Variants in DEAF1 observed in about 807,000 individuals in gnomAD.
The protein encoded by DEAF1 is deformed epidermal autoregulatory factor 1 homolog.
Under a neutral mutation model 58.9 loss-of-function variants are expected in DEAF1, and 53 were observed. That is an observed-to-expected ratio of 0.90 (90% confidence interval 0.72 to 1.13). The LOEUF is 1.13. DEAF1 is among the 50% of genes most tolerant of loss of function. The pLI is 0.00. For synonymous variants in DEAF1, 385 were observed against 340.4 expected, an observed-to-expected ratio of 1.13 and a Z score of -1.44; for missense variants, 685 against 791.4, an observed-to-expected ratio of 0.87 and a Z score of 1.61.
upstream of DEAF1, among the ~76,000 whole-genome samples, chr11:698,165 G>A (rs1228274460): frequency 6.6e-6 from 1 of 152,208 alleles, no homozygotes; most frequent in Non-Finnish European, 1.5e-5. Flanking sequence ...CAACTGGCCT[G>A]AGCCCTTTTC....
intron 11 of DEAF1, among the ~76,000 whole-genome samples, chr11:649,088 G>A (rs1275058567): frequency 1.3e-5 from 2 of 151,460 alleles, no homozygotes; most frequent in Admixed American, 6.6e-5. Context: ...CTCTCTCTAC[G>A]AAAAATACAA....
intron 4 of DEAF1, 131 bp downstream of exon 4, chr11:687,780 G>A: frequency 8.0e-7 from 1 of 1,250,038 alleles, no homozygotes; most frequent in Non-Finnish European, 1.2e-6. Context: ...ACAGGCATCA[G>A]CCACCGCGCC....
intron 10 of DEAF1, among the ~76,000 whole-genome samples, chr11:654,952 C>T (rs750337805): frequency 6.6e-6 from 1 of 151,200 alleles, no homozygotes; most frequent in Non-Finnish European, 1.5e-5. Flanking sequence ...GGGCGGATCA[C>T]GAAGTTAGGA....
upstream of DEAF1, chr11:698,812 C>G (rs1488764578): frequency 1.2e-6 from 2 of 1,608,890 alleles, no homozygotes; most frequent in Admixed American, 1.7e-5. Context: ...TGGAGCGAGA[C>G]CCGGGAAAGC....
chr11:672,445 A>G (rs1859872227), intron 10 of DEAF1, among the ~76,000 whole-genome samples: 1 of 152,142 alleles, frequency 6.6e-6, no homozygotes, highest in African/African-American at 2.4e-5. Context: ...ACAAACCCCT[A>G]ACATTGAATA....
intron 10 of DEAF1, among the ~76,000 whole-genome samples, chr11:661,977 G>A (rs1188491879): frequency 6.6e-6 from 1 of 152,132 alleles, no homozygotes; most frequent in Non-Finnish European, 1.5e-5. Context: ...TTTGCATGAG[G>A]CCCAACACAC....
chr11:683,518 T>C (rs940895261), intron 6 of DEAF1, among the ~76,000 whole-genome samples: 1 of 151,944 alleles, frequency 6.6e-6, no homozygotes, highest in African/African-American at 2.4e-5. Flanking sequence ...CCGTAAGTCT[T>C]AAGACCCCGC....
rs953097840 is a variant in DEAF1 at position 673,800 on chromosome 11, G to A, written c.1503+736C>T. Among the ~76,000 whole-genome samples the A allele has an allele frequency of 5.9e-5, 9 of 152,108 alleles. No individual in the cohort carries two copies. In the East Asian group the frequency reaches 1.7e-3, roughly 29 times the overall value. On this transcript the variant is annotated intron_variant, in intron 10 of 11. Transcript: ENST00000382409. ...TACCTGTCTGCTGGGTTTGGGCTAT[G>A]AGAAGTAGCTGAGAAACCTCCACCC...
At position 688,090 on chromosome 11, in the gene DEAF1, C is replaced by T. The variant is rs768980086; in HGVS notation, c.518-33G>A. 2 of 1,613,304 alleles carry T rather than the reference C, an allele frequency of 1.2e-6. No homozygotes were observed. Among genetic ancestry groups the T allele is most frequent in the Non-Finnish European group, 8.5e-7 (1 of 1,179,772 alleles). Reference sequence around the variant, plus strand: ...AGAGAAAGTGTTTGAAGGTGAGAGGCCGGACACCGGGAAGCATAGTACACT... The same window carrying T: ...AGAGAAAGTGTTTGAAGGTGAGAGGTCGGACACCGGGAAGCATAGTACACT... On this transcript the variant is annotated intron_variant, in intron 3 of 11. Transcript: ENST00000382409. This position sits in a 1 kb window ranked among gnomAD's most constrained non-coding sequence, Gnocchi z 4.3.
Position 702,887 on chromosome 11 carries a change from C to CGGTG in DEAF1, c.-438+3681_-438+3684dup, listed in dbSNP as rs767470021. On this transcript the variant is annotated intron_variant, in intron 1 of 11. Transcript: ENST00000683307. ...CAGCAGCCCTCCAGGCACCTGTGGG[C>CGGTG]GGTGGGCTCCAGGGAGCGCCTCGCA... 1.5e-4 allele frequency: 222 copies of CGGTG among 1,497,872 alleles called. 1 individual carries two copies. The highest frequency in any genetic ancestry group is 1.9e-4 in the Non-Finnish European group (206 of 1,100,030). 92.8% of individuals were successfully genotyped at this position (1,497,872 alleles called of 1,614,324 possible). A position where few individuals can be genotyped will look rare whatever the true frequency, so the allele number is the denominator to read the frequency against.
intron 6 of DEAF1, among the ~76,000 whole-genome samples, chr11:682,711 A>G (rs1203325908): frequency 6.6e-6 from 1 of 152,108 alleles, no homozygotes; most frequent in Non-Finnish European, 1.5e-5. Context: ...ACCCCACCCT[A>G]TGGGCAATGT....
intron 9 of DEAF1, among the ~76,000 whole-genome samples, chr11:676,003 C>A (rs533694251): frequency 0.077 from 1,673 of 21,688 alleles, 162 homozygotes; most frequent in African/African-American, 0.18. Flanking sequence ...CTGGCACCCC[C>A]CGGCACCCGA....
At position 644,405 on chromosome 11, in the gene DEAF1, G is replaced by A. The variant is rs1802261; in HGVS notation, c.*145C>T. The A allele has an allele frequency of 3.8e-5, 27 of 711,894 alleles. 1 individual carries two copies. Among genetic ancestry groups the A allele is most frequent in the South Asian group, 1.5e-5 (1 of 66,092 alleles). 44.1% of individuals were successfully genotyped at this position (711,894 alleles called of 1,614,324 possible). The stretch of plus-strand genomic sequence containing the variant: ...TCCCAGGGCACCATTCGCTTAAAGT[G>A]TGTTAATGACTTGTCCAGCAAGTTT... On this transcript the variant is annotated 3_prime_UTR_variant, in exon 12 of 12. Coordinates refer to ENST00000382409, the MANE Select transcript of DEAF1 (RefSeq NM_021008.4). This position sits in a 1 kb window ranked among gnomAD's most constrained non-coding sequence, Gnocchi z 4.3.
rs917396508 is a variant in DEAF1, at chr11:659,741, G to C, written c.1504-5690C>G. ...GTCTAGTTCCAGAGGCTCCTTTCCC[G>C]GCACTGCAGTGAGTTCAGGTGAAGC... On this transcript the variant is annotated intron_variant, in intron 10 of 11. Coordinates refer to ENST00000382409, the MANE Select transcript of DEAF1 (RefSeq NM_021008.4). Among the ~76,000 whole-genome samples the C allele has an allele frequency of 2.0e-5, 3 of 152,172 alleles. No individual in the cohort carries two copies. The East Asian group carries it at 5.8e-4, about 29-fold the overall frequency.
upstream of DEAF1, chr11:700,194 C>T: frequency 6.2e-7 from 1 of 1,614,158 alleles, no homozygotes; most frequent in Non-Finnish European, 8.5e-7. Context: ...ACGTACTACG[C>T]CCTGTATTTC....
rs1019225190 is a variant in DEAF1, at chr11:644,315, C to T, written c.*235G>A. The T allele has an allele frequency of 3.3e-6, 2 of 606,664 alleles. No individual in the cohort carries two copies. Among genetic ancestry groups the T allele is most frequent in the South Asian group, 3.8e-5 (2 of 52,702 alleles). The allele number at this position is 606,664 out of a possible 1,614,324, so 37.6% of individuals were successfully genotyped here. On this transcript the variant is annotated 3_prime_UTR_variant, in exon 12 of 12. Transcript: ENST00000382409. This position sits in a 1 kb window ranked among gnomAD's most constrained non-coding sequence, Gnocchi z 4.3. ...GGCCCTGTGGGCAAGACCGGACGCT[C>T]ATGATCCCAGGGATAAAAAATCTGT...
chr11:673,138 G>C (rs1461734830), intron 10 of DEAF1, among the ~76,000 whole-genome samples: 1 of 151,884 alleles, frequency 6.6e-6, no homozygotes, highest in Non-Finnish European at 1.5e-5. Flanking sequence ...GATGGAGCGA[G>C]ACTCCGTCTC....
rs1488450699 is a variant in DEAF1, at chr11:695,205, C to T, written c.-158G>A. On this transcript the variant is annotated 5_prime_UTR_variant, in exon 1 of 12. Coordinates refer to ENST00000382409, the MANE Select transcript of DEAF1 (RefSeq NM_021008.4). ...ACCGAAAAGGCAGCCAGCCGCCGAGCAGAGCCGAGCCGAGTCCGCCCGCGG... is the reference window on the plus strand; with the variant it reads ...ACCGAAAAGGCAGCCAGCCGCCGAGTAGAGCCGAGCCGAGTCCGCCCGCGG... 1.1e-5 allele frequency: 7 copies of T among 647,768 alleles called. No homozygotes were observed. In the South Asian group the frequency reaches 1.7e-4, roughly 16 times the overall value. The allele number at this position is 647,768 out of a possible 1,614,324, so 40.1% of individuals were successfully genotyped here.
intron 7 of DEAF1, chr11:680,202 G>GCC: frequency 6.5e-6 from 2 of 308,246 alleles, no homozygotes; most frequent in African/African-American, 4.3e-5. Context: ...CAGCAAGGCT[G>GCC]CCCTGTGTCC....
Sources: allele counts gnomAD v4.1 joint callset (sites outside exome capture counted in the v4.1 genomes callset), GRCh38; gene constraint gnomAD v4.1.1; non-coding constraint Gnocchi (gnomAD v3.1); transcripts MANE v1.5; gene names NCBI Gene and HGNC (gene_info 2026-07-23, HGNC 2026-07-21).